Variants in FBXO16 observed in about 807,000 individuals in gnomAD.
The protein encoded by FBXO16 is F-box protein 16, also known as F-box only protein 16.
In FBXO16, 31 loss-of-function variants were observed where a neutral mutation model predicts 41.0. The observed-to-expected ratio is 0.76, with a 90% CI of 0.57 to 1.02. FBXO16 has a LOEUF of 1.02. FBXO16 is among the 50% of genes least tolerant of loss of function. The pLI is 0.00. For missense variants in FBXO16, 361 were observed against 346.2 expected (o/e 1.04, Z -0.34); for synonymous variants, 133 against 117.8 (o/e 1.13, Z -0.84).
At chr8:28,458,494 G>A (rs1292565759) in intron 4 of FBXO16, among the ~76,000 whole-genome samples, 2 of 152,006 alleles carry the variant, frequency 1.3e-5, no homozygotes. Flanking sequence ...GAAAGGGAAG[G>A]GGGAGAAAAG....
At chr8:28,476,655 G>A (rs1771718111) in intron 2 of FBXO16, among the ~76,000 whole-genome samples, 1 of 152,176 alleles carries the variant, frequency 6.6e-6, no homozygotes, top group South Asian at 2.1e-4. Context: ...TCCCACGGTT[G>A]TTATTTTAAT....
chr8:28,436,741 A>G (rs1585890687), intron 7 of FBXO16, among the ~76,000 whole-genome samples: 1 of 152,128 alleles, frequency 6.6e-6, no homozygotes, highest in African/African-American at 2.4e-5. Flanking sequence ...CTACATACAT[A>G]TATCTTATTT....
intron 2 of FBXO16, among the ~76,000 whole-genome samples, chr8:28,477,826 G>A (rs116750390): frequency 0.01 from 1,581 of 152,134 alleles, 24 homozygotes; most frequent in African/African-American, 0.036. Flanking sequence ...TCAGGAGTTT[G>A]AGACCAGGCC....
intron 2 of FBXO16, among the ~76,000 whole-genome samples, chr8:28,481,222 A>G (rs1182031024): frequency 6.6e-6 from 1 of 152,178 alleles, no homozygotes; most frequent in African/African-American, 2.4e-5. Context: ...ATAGAATCGG[A>G]ATCTTAGAAA....
intron 6 of FBXO16, among the ~76,000 whole-genome samples, chr8:28,450,885 G>A (rs763745527): frequency 6.6e-6 from 1 of 152,062 alleles, no homozygotes; most frequent in Non-Finnish European, 1.5e-5. Flanking sequence ...GAGTCTGGGA[G>A]TTAGAGACCA....
At chr8:28,461,083 CTTTTT>C (rs60769796) in intron 4 of FBXO16, among the ~76,000 whole-genome samples, 2 of 136,456 alleles carry the variant, frequency 1.5e-5, no homozygotes. Flanking sequence ...TATACCTCTG[CTTTTT>C]TTTTTTTTTT....
At chr8:28,465,265 A>G in intron 3 of FBXO16, 1 of 241,392 alleles carries the variant, frequency 4.1e-6, no homozygotes. Context: ...AAAAGAACAG[A>G]TAAGAGCTCC....
chr8:28,435,932 T>C (rs2130082397), intron 7 of FBXO16, among the ~76,000 whole-genome samples: 1 of 152,346 alleles, frequency 6.6e-6, no homozygotes, highest in Non-Finnish European at 1.5e-5. Context: ...GATGTGGTAA[T>C]ATTGTATATA....
chr8:28,441,091 GAGGGAGGTATTTACATCCC>G (rs1802764966), intron 7 of FBXO16, among the ~76,000 whole-genome samples: 1 of 152,120 alleles, frequency 6.6e-6, no homozygotes, highest in Non-Finnish European at 1.5e-5. Context: ...TGCAGAGATG[GAGGGAGGTATTTACATCCC>G]AGTAACGGCA....
intron 3 of FBXO16, among the ~76,000 whole-genome samples, chr8:28,465,673 G>A (rs1400657929): frequency 6.6e-6 from 1 of 152,002 alleles, no homozygotes; most frequent in Non-Finnish European, 1.5e-5. Flanking sequence ...ACAAAAAGTG[G>A]ATTGATTGTT....
At chr8:28,463,439 T>C (rs1477892859) in intron 4 of FBXO16, among the ~76,000 whole-genome samples, 173 bp downstream of exon 4, 1 of 139,546 alleles carries the variant, frequency 7.2e-6, no homozygotes, top group Non-Finnish European at 1.6e-5. Flanking sequence ...TATATGTGTA[T>C]GTGTGTGTTT....
rs1802562261 is a variant in FBXO16, at chr8:28,428,643, CT to C, written c.*83del. ...TGAGGATGCTGCATGAGAATTTCAG[CT>C]GTGGTGGCAGTGTCTGGGAGTCCCA... is the stretch of plus-strand genomic sequence containing the variant. On this transcript the variant is annotated 3_prime_UTR_variant, in exon 9 of 9. Coordinates refer to ENST00000380254, the MANE Select transcript of FBXO16 (RefSeq NM_172366.4). 1.2e-5 allele frequency: 18 copies of C among 1,556,174 alleles called. No homozygotes were observed. In the East Asian group the frequency reaches 4.4e-4, roughly 38 times the overall value.
At chr8:28,468,461 C>G (rs146887511) in intron 3 of FBXO16, among the ~76,000 whole-genome samples, 248 of 152,296 alleles carry the variant, frequency 1.6e-3, no homozygotes, top group African/African-American at 5.8e-3. Context: ...GTTATACGAT[C>G]TCTTCTGGTT....
intron 3 of FBXO16, among the ~76,000 whole-genome samples, chr8:28,469,895 C>T (rs1025704204): frequency 1.6e-4 from 23 of 144,890 alleles, no homozygotes; most frequent in African/African-American, 5.4e-4. Context: ...AGCGAGACTC[C>T]GTCTCAAAAT....
chr8:28,445,026 T>C (rs1802841897), intron 7 of FBXO16, among the ~76,000 whole-genome samples: 1 of 151,950 alleles, frequency 6.6e-6, no homozygotes, highest in Non-Finnish European at 1.5e-5. Flanking sequence ...ACACCCGCCT[T>C]GTATCCCAAA....
intron 3 of FBXO16, among the ~76,000 whole-genome samples, chr8:28,472,611 G>T (rs1346034882): frequency 6.6e-6 from 1 of 152,046 alleles, no homozygotes; most frequent in Non-Finnish European, 1.5e-5. Flanking sequence ...GCATAGTGGT[G>T]GGCACCTGTA....
intron 3 of FBXO16, among the ~76,000 whole-genome samples, chr8:28,473,193 A>G (rs1187337014): frequency 6.6e-6 from 1 of 152,106 alleles, no homozygotes; most frequent in African/African-American, 2.4e-5. Flanking sequence ...TCATTGAATT[A>G]TGTCTGTTAA....
At chr8:28,481,343 G>C (rs1165560611) in intron 2 of FBXO16, among the ~76,000 whole-genome samples, 1 of 152,192 alleles carries the variant, frequency 6.6e-6, no homozygotes, top group East Asian at 1.9e-4. Flanking sequence ...TGTCAGCTGA[G>C]AATGGAGCTG....
At chr8:28,466,669 C>T (rs1228283412) in intron 3 of FBXO16, among the ~76,000 whole-genome samples, 7 of 150,840 alleles carry the variant, frequency 4.6e-5, no homozygotes, top group Admixed American at 3.3e-4. Context: ...GTGGCAGGCG[C>T]CTGTAGTCCC....
Sources: gnomAD v4.1 joint callset for allele counts (sites outside exome capture counted in the v4.1 genomes callset) on GRCh38, gnomAD v4.1.1 for gene constraint, MANE v1.5 for transcripts, NCBI Gene and HGNC (gene_info 2026-07-23, HGNC 2026-07-21) for gene names.